PLXDC2: variants seen among roughly 807,000 people sequenced by gnomAD.
The protein encoded by PLXDC2 is plexin domain containing 2.
PLXDC2 carries 40 observed loss-of-function variants against 68.9 expected under a neutral mutation model. That is an observed-to-expected ratio of 0.58 (90% CI 0.45 to 0.76). PLXDC2 has a LOEUF of 0.76. Ranked by LOEUF, PLXDC2 falls within the 30% of genes least tolerant of loss-of-function variation. The pLI, the probability that PLXDC2 is intolerant of heterozygous loss-of-function variation, is 0.00. For missense variants in PLXDC2, 644 were observed against 661.9 expected, an observed-to-expected ratio of 0.97 and a Z score of 0.30; for synonymous variants, 243 against 234.2, an observed-to-expected ratio of 1.04 and a Z score of -0.34.
At chr10:20,241,378 G>A (rs2119326554) in intron 12 of PLXDC2, among the ~76,000 whole-genome samples, 1 of 152,162 alleles carries the variant, frequency 6.6e-6, no homozygotes, top group East Asian at 1.9e-4. Context: ...TTTCCTTCCT[G>A]GGAAAAGCTG....
At chr10:20,064,224 C>CT (rs368874136) in intron 3 of PLXDC2, among the ~76,000 whole-genome samples, 5,674 of 138,698 alleles carry the variant, frequency 0.041, 147 homozygotes, top group South Asian at 0.1. Context: ...CATTTCTTTT[C>CT]TTTTTTTTTT....
At chr10:19,847,713 T>C (rs1837035934) in intron 1 of PLXDC2, among the ~76,000 whole-genome samples, 1 of 152,234 alleles carries the variant, frequency 6.6e-6, no homozygotes, top group Non-Finnish European at 1.5e-5. Context: ...CTAACATACA[T>C]TCTGTTCTAA....
chr10:19,986,865 G>C (rs968428749), intron 1 of PLXDC2, among the ~76,000 whole-genome samples: 1 of 152,202 alleles, frequency 6.6e-6, no homozygotes, highest in Non-Finnish European at 1.5e-5. Context: ...TTCTAGAAGA[G>C]ATGCAGGATT....
chr10:20,103,704 C>T (rs1442909494), intron 4 of PLXDC2, among the ~76,000 whole-genome samples: 15 of 149,850 alleles, frequency 1.0e-4, no homozygotes, highest in East Asian at 1.9e-4. Context: ...TGCGGTGGCA[C>T]GATCTCGGCT....
At chr10:19,964,716 T>C (rs991067043) in intron 1 of PLXDC2, among the ~76,000 whole-genome samples, 3 of 152,066 alleles carry the variant, frequency 2.0e-5, no homozygotes, top group African/African-American at 7.2e-5. Context: ...CCTGAGCTCC[T>C]TGAGGGCAGG....
intron 4 of PLXDC2, among the ~76,000 whole-genome samples, chr10:20,127,878 G>A (rs562880525): frequency 2.6e-5 from 4 of 152,198 alleles, no homozygotes; most frequent in Non-Finnish European, 5.9e-5. Flanking sequence ...TAGGTTGGGG[G>A]CATTATGGTT....
intron 2 of PLXDC2, among the ~76,000 whole-genome samples, chr10:20,007,052 A>G (rs955416991): frequency 1.3e-5 from 2 of 152,238 alleles, no homozygotes; most frequent in African/African-American, 4.8e-5. Flanking sequence ...GCTACTTTGT[A>G]TAATTATTTT....
At chr10:19,863,879 A>G (rs1251266410) in intron 1 of PLXDC2, among the ~76,000 whole-genome samples, 1 of 152,184 alleles carries the variant, frequency 6.6e-6, no homozygotes, top group East Asian at 1.9e-4. Flanking sequence ...TGATTTAGAT[A>G]CAATAATTAA....
At chr10:20,250,847 T>C (rs1835666561) in intron 13 of PLXDC2, among the ~76,000 whole-genome samples, 1 of 152,208 alleles carries the variant, frequency 6.6e-6, no homozygotes, top group Non-Finnish European at 1.5e-5. Context: ...GCTATTGTTG[T>C]CTATTTTTAG....
intron 13 of PLXDC2, among the ~76,000 whole-genome samples, chr10:20,261,816 T>C (rs1016173158): frequency 1.2e-4 from 18 of 152,166 alleles, no homozygotes; most frequent in African/African-American, 4.1e-4. Context: ...ATCGTGCCAT[T>C]GTACTCCAGC....
chr10:19,962,845 C>A (rs112137319), intron 1 of PLXDC2, among the ~76,000 whole-genome samples: 3,517 of 150,600 alleles, frequency 0.023, 150 homozygotes, highest in African/African-American at 0.081. Context: ...ACAAAATTAG[C>A]CGGGCTTGGT....
At position 19,941,693 on chromosome 10, in the gene PLXDC2, A is replaced by T. The variant is rs187572166; in HGVS notation, c.113-60082A>T. Among the ~76,000 whole-genome samples the T allele has an allele frequency of 6.9e-4, 105 of 152,254 alleles. 1 individual carries two copies. Among genetic ancestry groups the T allele is most frequent in the Admixed American group, 5.6e-3 (85 of 15,286 alleles). On this transcript the variant is annotated intron_variant, in intron 1 of 13. Coordinates refer to ENST00000377252, the MANE Select transcript of PLXDC2 (RefSeq NM_032812.9). The stretch of plus-strand genomic sequence containing the variant: ...AGAAGGGAGAAGAATGCCTTTTGTG[A>T]CTACTGAAAGTACAAAGAACTACCC...
chr10:20,118,552 A>G (rs562798369), intron 4 of PLXDC2, among the ~76,000 whole-genome samples: 1 of 152,340 alleles, frequency 6.6e-6, no homozygotes, highest in East Asian at 1.9e-4. Context: ...GCACTGCACA[A>G]AAGTGAATCG....
intron 10 of PLXDC2, among the ~76,000 whole-genome samples, chr10:20,215,417 A>G (rs566365866): frequency 2.0e-4 from 31 of 152,202 alleles, no homozygotes; most frequent in Non-Finnish European, 3.5e-4. Flanking sequence ...ATGACTGCGT[A>G]TGAATGGAGG....
At chr10:20,062,908 A>G (rs11011766) in intron 3 of PLXDC2, among the ~76,000 whole-genome samples, 22,215 of 152,094 alleles carry the variant, frequency 0.15, 1,910 homozygotes, top group South Asian at 0.3. Context: ...TTTTTCTTTT[A>G]TTTTACAACT....
At chr10:20,124,741 G>C (rs1208992174) in intron 4 of PLXDC2, among the ~76,000 whole-genome samples, 1 of 151,952 alleles carries the variant, frequency 6.6e-6, no homozygotes, top group East Asian at 1.9e-4. Flanking sequence ...GGTACTCAGT[G>C]GGGGAGCTTT....
chr10:20,081,533 T>C (rs1172252087), intron 4 of PLXDC2, among the ~76,000 whole-genome samples: 10 of 152,034 alleles, frequency 6.6e-5, no homozygotes, highest in South Asian at 2.1e-4. Flanking sequence ...AGAGAAAGAA[T>C]AAATGTTTGA....
chr10:19,886,731 C>T (rs1589519935), intron 1 of PLXDC2, among the ~76,000 whole-genome samples: 1 of 152,178 alleles, frequency 6.6e-6, no homozygotes, highest in Non-Finnish European at 1.5e-5. Context: ...GGGATGCCCT[C>T]TCTCACCACT....
At chr10:20,227,453 G>A (rs991899322) in intron 12 of PLXDC2, among the ~76,000 whole-genome samples, 5 of 152,118 alleles carry the variant, frequency 3.3e-5, no homozygotes, top group African/African-American at 9.7e-5. Flanking sequence ...TCAGGAAGGG[G>A]ATTGACATAG....
Sources: allele counts gnomAD v4.1 joint callset (sites outside exome capture counted in the v4.1 genomes callset), GRCh38; gene constraint gnomAD v4.1.1; transcripts MANE v1.5; gene names NCBI Gene and HGNC (gene_info 2026-07-23, HGNC 2026-07-21).